The following SLC30A7 variants were observed in gnomAD, a reference collection of about 807,000 sequenced individuals.
SLC30A7 encodes zinc transporter 7.
In SLC30A7, 35 loss-of-function variants were observed where a neutral mutation model predicts 46.0. The observed-to-expected ratio is 0.76, with a 90% CI of 0.58 to 1.01. SLC30A7 has a LOEUF of 1.01. SLC30A7 is among the 50% of genes least tolerant of loss of function. The pLI is 0.00. For synonymous variants in SLC30A7, 147 were observed against 157.8 expected (o/e 0.93, Z 0.51); for missense variants, 464 against 451.1 (o/e 1.03, Z -0.26).
downstream of SLC30A7, among the ~76,000 whole-genome samples, chr1:100,982,528 A>T (rs1315254772): frequency 6.6e-6 from 1 of 152,222 alleles, no homozygotes; most frequent in Non-Finnish European, 1.5e-5. Context: ...AATTCTTAGA[A>T]AACTAAGCAA....
chr1:100,899,048 C>G (rs576910341), intron 2 of SLC30A7, among the ~76,000 whole-genome samples: 1 of 152,234 alleles, frequency 6.6e-6, no homozygotes, highest in East Asian at 1.9e-4. Flanking sequence ...AAAGGAAGAA[C>G]TTAATTATAG....
At chr1:100,957,072 C>T (rs6674043) in intron 8 of SLC30A7, among the ~76,000 whole-genome samples, 3,614 of 152,220 alleles carry the variant, frequency 0.024, 134 homozygotes, top group African/African-American at 0.079. Flanking sequence ...TGGCATATAA[C>T]AGATGTTTGT....
Position 100,977,787 on chromosome 1 carries a change from C to T in SLC30A7, c.*2930C>T, listed in dbSNP as rs572775055. On this transcript the variant is annotated 3_prime_UTR_variant, in exon 11 of 11. Coordinates refer to ENST00000357650, the MANE Select transcript of SLC30A7 (RefSeq NM_133496.5). ...TGTTTGTATTAGATGGAATTTCACT[C>T]TTGTCGCCCAGGCTGGAGTGTAGTG... 13 of 152,222 alleles carry T rather than the reference C, an allele frequency of 8.5e-5. No homozygotes were observed. The highest frequency in any genetic ancestry group is 3.1e-4 in the African/African-American group (13 of 41,538). The allele number at this position is 152,222 out of a possible 1,614,324, so 9.4% of individuals were successfully genotyped here. A position where few individuals can be genotyped will look rare whatever the true frequency, so the allele number is the denominator to read the frequency against.
At chr1:100,896,418 G>A in intron 1 of SLC30A7, 76 bp downstream of exon 1, 5 of 1,528,228 alleles carry the variant, frequency 3.3e-6, no homozygotes, top group Non-Finnish European at 4.5e-6. Context: ...ATGGCCCGAG[G>A]TCCAGTGAGG....
At chr1:100,992,434 T>C in the SLC30A7 span, among the ~76,000 whole-genome samples, 3 of 152,200 alleles carry the variant, frequency 2.0e-5, no homozygotes, top group Non-Finnish European at 4.4e-5. Flanking sequence ...AATTATACTA[T>C]AAAAGAATGC....
chr1:100,915,193 T>TTTTCTTCC (rs1652424547), intron 6 of SLC30A7, among the ~76,000 whole-genome samples: 2 of 90,788 alleles, frequency 2.2e-5, no homozygotes, highest in African/African-American at 9.1e-5. Context: ...CTTTTCTTTC[T>TTTTCTTCC]TTTCTTTCTT....
At chr1:100,927,271 G>A (rs958736115) in intron 8 of SLC30A7, among the ~76,000 whole-genome samples, 5 of 152,048 alleles carry the variant, frequency 3.3e-5, no homozygotes, top group African/African-American at 1.2e-4. Flanking sequence ...GAGCCCTGGG[G>A]TTGGTCAGGA....
At chr1:100,937,720 A>T (rs554952279) in intron 8 of SLC30A7, among the ~76,000 whole-genome samples, 1 of 152,244 alleles carries the variant, frequency 6.6e-6, no homozygotes, top group South Asian at 2.1e-4. Context: ...TCTTTATCAG[A>T]TGTATAATAT....
At chr1:100,984,306 A>G (rs1361506328), downstream of SLC30A7, among the ~76,000 whole-genome samples, 4 of 152,318 alleles carry the variant, frequency 2.6e-5, no homozygotes, top group East Asian at 1.9e-4. Context: ...ATCAGAGTAG[A>G]GTAACTAGAT....
In SLC30A7 at chr1:100,981,359, G is replaced by A. The variant is rs902003480; in HGVS notation, c.*6502G>A. The stretch of plus-strand genomic sequence containing the variant: ...ATGAGTCTTTTATATTGGAAATACT[G>A]TGAATGGAAAATTGCCAAATCCCTT... On this transcript the variant is annotated 3_prime_UTR_variant, in exon 11 of 11. Coordinates refer to ENST00000357650, the MANE Select transcript of SLC30A7 (RefSeq NM_133496.5). 2 of 152,106 alleles carry A rather than the reference G, an allele frequency of 1.3e-5. No homozygotes were observed. The highest frequency in any genetic ancestry group is 6.6e-5 in the Admixed American group (1 of 15,266). 9.4% of individuals were successfully genotyped at this position (152,106 alleles called of 1,614,324 possible).
At chr1:100,924,930 C>T (rs562288446) in intron 8 of SLC30A7, among the ~76,000 whole-genome samples, 1 of 152,294 alleles carries the variant, frequency 6.6e-6, no homozygotes, top group African/African-American at 2.4e-5. Context: ...CAGGCCCTCT[C>T]ACCTACTTAA....
the SLC30A7 span, chr1:100,995,863 G>C: frequency 2.0e-5 from 3 of 152,196 alleles, no homozygotes; most frequent in Admixed American, 6.5e-5. Flanking sequence ...AACAGCAACA[G>C]CAACAGCTGC....
At chr1:100,948,915 T>C (rs1654798025) in intron 8 of SLC30A7, among the ~76,000 whole-genome samples, 1 of 152,174 alleles carries the variant, frequency 6.6e-6, no homozygotes, top group African/African-American at 2.4e-5. Flanking sequence ...CTCTACACTG[T>C]TTAGTTAGTC....
intron 2 of SLC30A7, among the ~76,000 whole-genome samples, chr1:100,901,014 G>A (rs1345462167): frequency 1.3e-5 from 2 of 152,058 alleles, no homozygotes; most frequent in East Asian, 1.9e-4. Flanking sequence ...TTCATCTGTT[G>A]TCCCTGTCCC....
chr1:100,949,611 C>G (rs1654847252), intron 8 of SLC30A7, among the ~76,000 whole-genome samples: 1 of 152,230 alleles, frequency 6.6e-6, no homozygotes, highest in East Asian at 1.9e-4. Flanking sequence ...CTATGCCTTG[C>G]CCACAGAGGT....
rs183144833 is a variant in SLC30A7 at position 100,965,921 on chromosome 1, A to G, written c.1083+3A>G. Reference sequence around the variant, plus strand: ...AAACACATAATATTTTTACTCAGGTATGTCTTTTTTACTAACTTCTTTTAA... The same window carrying G: ...AAACACATAATATTTTTACTCAGGTGTGTCTTTTTTACTAACTTCTTTTAA... On this transcript the variant is annotated splice_donor_region_variant and intron_variant, in intron 10 of 10. Transcript: ENST00000357650. 1.2e-5 allele frequency: 20 copies of G among 1,603,146 alleles called. No homozygotes were observed. Among genetic ancestry groups the G allele is most frequent in the Non-Finnish European group, 1.0e-5 (12 of 1,176,944 alleles).
intron 8 of SLC30A7, chr1:100,941,520 CT>C: frequency 3.7e-6 from 2 of 534,742 alleles, no homozygotes; most frequent in Non-Finnish European, 3.6e-6. Context: ...AAGGCAAAGC[CT>C]TTTTTCTTGC....
At chr1:100,964,288 T>A (rs145252544) in intron 9 of SLC30A7, among the ~76,000 whole-genome samples, 1 of 96,710 alleles carries the variant, frequency 1.0e-5, no homozygotes, top group East Asian at 2.4e-4. Context: ...ATAACATATA[T>A]GTTATATAAC....
intron 2 of SLC30A7, among the ~76,000 whole-genome samples, chr1:100,897,522 C>A (rs1039775283): frequency 2.0e-5 from 3 of 152,092 alleles, no homozygotes; most frequent in African/African-American, 7.2e-5. Flanking sequence ...TTGTTGGGTT[C>A]CCTGTACTAA....
Sources: gnomAD v4.1 joint callset for allele counts (sites outside exome capture counted in the v4.1 genomes callset) on GRCh38, gnomAD v4.1.1 for gene constraint, MANE v1.5 for transcripts, NCBI Gene and HGNC (gene_info 2026-07-23, HGNC 2026-07-21) for gene names.